Variants in MSRA observed in about 807,000 individuals in gnomAD.
MSRA encodes the protein mitochondrial peptide methionine sulfoxide reductase.
MSRA carries 54 observed loss-of-function variants against 31.3 expected under a neutral mutation model. The observed-to-expected ratio is 1.73, with a 90% confidence interval of 1.39 to 2.17. The LOEUF (loss-of-function observed/expected upper bound fraction) is 2.17, where lower values mean the gene tolerates loss of function less well. MSRA is among the 30% of genes most tolerant of loss of function. The pLI is 0.00. For synonymous variants in MSRA, 169 were observed against 116.5 expected, an observed-to-expected ratio of 1.45 and a Z score of -2.90; for missense variants, 507 against 300.9, an observed-to-expected ratio of 1.69 and a Z score of -5.07.
chr8:10,161,145 A>C (rs994265517), intron 1 of MSRA, among the ~76,000 whole-genome samples: 1 of 152,174 alleles, frequency 6.6e-6, no homozygotes, highest in Non-Finnish European at 1.5e-5. Context: ...TCTAATGAAA[A>C]CATCAGCTCT....
chr8:10,388,594 G>A (rs1022418830), intron 5 of MSRA, among the ~76,000 whole-genome samples: 3 of 152,152 alleles, frequency 2.0e-5, no homozygotes, highest in African/African-American at 7.2e-5. Context: ...TGCTAAACCT[G>A]AAGCTTCAGG....
In MSRA at chr8:10,285,630, C is replaced by T. The variant is rs575617695; in HGVS notation, c.332-15904C>T. ...ATGTATTTTGTACCTGTTAACCAGT[C>T]TCTCCCTATATCCCCTTCCCCCCAC... On this transcript the variant is annotated intron_variant, in intron 3 of 5. Coordinates refer to ENST00000317173, the MANE Select transcript of MSRA (RefSeq NM_012331.5). Among the ~76,000 whole-genome samples, 29 of 152,006 alleles carry T rather than the reference C, an allele frequency of 1.9e-4. 2 individuals are homozygous for T. The South Asian group carries it at 5.2e-3, about 27-fold the overall frequency.
intron 5 of MSRA, among the ~76,000 whole-genome samples, chr8:10,391,767 C>G (rs888636011): frequency 6.6e-6 from 1 of 152,178 alleles, no homozygotes; most frequent in African/African-American, 2.4e-5. Context: ...ATTTCATGTC[C>G]TTATTTGTTT....
At position 10,168,619 on chromosome 8, in the gene MSRA, A is replaced by G. The variant is rs1394745568; in HGVS notation, c.143-39214A>G. Among the ~76,000 whole-genome samples, 4 of 152,220 alleles carry G rather than the reference A, an allele frequency of 2.6e-5. No homozygotes were observed. The South Asian group carries it at 8.3e-4, about 32-fold the overall frequency. ...TTGTAGTCTATTTTACAGATCAAGA[A>G]AGTGAAGCTCAGAGAAGGGAAGCAA... On this transcript the variant is annotated intron_variant, in intron 1 of 5. Coordinates refer to ENST00000317173, the MANE Select transcript of MSRA (RefSeq NM_012331.5).
intron 3 of MSRA, among the ~76,000 whole-genome samples, chr8:10,291,038 G>C (rs1392616175): frequency 6.6e-6 from 1 of 152,158 alleles, no homozygotes; most frequent in African/African-American, 2.4e-5. Flanking sequence ...TCAGCAGGTT[G>C]GATACAGAAA....
At chr8:10,314,830 A>G (rs1173953128) in intron 4 of MSRA, among the ~76,000 whole-genome samples, 2 of 152,258 alleles carry the variant, frequency 1.3e-5, no homozygotes, top group Non-Finnish European at 2.9e-5. Flanking sequence ...CCTCATGATC[A>G]TAATTGTAAG....
chr8:10,398,704 C>G (rs1243590296), intron 5 of MSRA, among the ~76,000 whole-genome samples: 1 of 152,232 alleles, frequency 6.6e-6, no homozygotes, highest in African/African-American at 2.4e-5. Flanking sequence ...AGCTGAAAGT[C>G]CAGCGGTCTG....
chr8:10,286,898 G>A (rs1799966686), intron 3 of MSRA, among the ~76,000 whole-genome samples: 1 of 152,244 alleles, frequency 6.6e-6, no homozygotes, highest in South Asian at 2.1e-4. Context: ...CGTGTATAAT[G>A]TAATCTTTAT....
intron 5 of MSRA, among the ~76,000 whole-genome samples, chr8:10,352,369 T>C (rs1356412943): frequency 6.6e-6 from 1 of 152,100 alleles, no homozygotes; most frequent in Middle Eastern, 3.2e-3. Context: ...GGGGAAAATC[T>C]AGTGTTTGGA....
chr8:10,102,530 T>A (rs1435710159), intron 1 of MSRA, among the ~76,000 whole-genome samples: 2 of 152,232 alleles, frequency 1.3e-5, no homozygotes, highest in East Asian at 3.8e-4. Flanking sequence ...TGTGGAAACA[T>A]GTTTATAATG....
intron 1 of MSRA, among the ~76,000 whole-genome samples, chr8:10,091,371 ATAT>A (rs1798845556): frequency 6.6e-6 from 1 of 152,204 alleles, no homozygotes; most frequent in Non-Finnish European, 1.5e-5. Context: ...ATTGCCTCAC[ATAT>A]TATTTTTTGT....
intron 3 of MSRA, among the ~76,000 whole-genome samples, chr8:10,255,886 G>C (rs1391612840): frequency 6.6e-6 from 1 of 152,038 alleles, no homozygotes; most frequent in Non-Finnish European, 1.5e-5. Context: ...GCAAAACTGA[G>C]CAGAATGTAA....
intron 1 of MSRA, among the ~76,000 whole-genome samples, chr8:10,188,275 A>G (rs1343958657): frequency 1.3e-5 from 2 of 152,232 alleles, no homozygotes; most frequent in Non-Finnish European, 2.9e-5. Context: ...TGTAAGTTCT[A>G]TGAAATTATA....
At chr8:10,253,431 C>T (rs535525127) in intron 3 of MSRA, among the ~76,000 whole-genome samples, 14 of 152,292 alleles carry the variant, frequency 9.2e-5, no homozygotes, top group South Asian at 2.1e-4. Context: ...AACAGACTGA[C>T]AGACTTTAAG....
chr8:10,179,068 C>T (rs545961039), intron 1 of MSRA, among the ~76,000 whole-genome samples: 1 of 152,108 alleles, frequency 6.6e-6, no homozygotes, highest in Non-Finnish European at 1.5e-5. Context: ...TCACAATCTC[C>T]CCCTTGGCAG....
intron 1 of MSRA, among the ~76,000 whole-genome samples, chr8:10,151,225 G>T (rs535540617): frequency 7.0e-6 from 1 of 143,328 alleles, no homozygotes; most frequent in African/African-American, 2.7e-5. Context: ...CTGCACCACT[G>T]CATTCCAGCC....
intron 3 of MSRA, among the ~76,000 whole-genome samples, chr8:10,267,952 C>T (rs942721182): frequency 2.0e-5 from 3 of 152,196 alleles, no homozygotes; most frequent in Non-Finnish European, 2.9e-5. Context: ...GACCCTGAGG[C>T]GGGGTTGCCA....
intron 1 of MSRA, among the ~76,000 whole-genome samples, chr8:10,078,665 C>T (rs1241508747): frequency 4.6e-5 from 7 of 152,240 alleles, no homozygotes; most frequent in Non-Finnish European, 8.8e-5. Flanking sequence ...CTGAGGCCCA[C>T]GGGAGGAGGC....
intron 3 of MSRA, among the ~76,000 whole-genome samples, chr8:10,248,532 A>G (rs1265592831): frequency 2.6e-5 from 4 of 152,198 alleles, no homozygotes; most frequent in Non-Finnish European, 5.9e-5. Context: ...CTGCTGTGCC[A>G]GTGGGTCTGC....
Sources: gnomAD v4.1 joint callset for allele counts (sites outside exome capture counted in the v4.1 genomes callset) on GRCh38, gnomAD v4.1.1 for gene constraint, MANE v1.5 for transcripts, NCBI Gene and HGNC (gene_info 2026-07-23, HGNC 2026-07-21) for gene names.